The following TENM3 variants were observed in gnomAD, a reference collection of about 807,000 sequenced individuals.
TENM3 encodes teneurin-3.
Under a neutral mutation model 255.1 loss-of-function variants are expected in TENM3, and 63 were observed. The ratio of observed to expected loss-of-function variants is 0.25; its 90% CI spans 0.20 to 0.30. The LOEUF (loss-of-function observed/expected upper bound fraction) is 0.30. TENM3 is among the 10% of genes least tolerant of loss of function. TENM3 has a pLI of 1.00. For synonymous variants in TENM3, 1,306 were observed against 1,322.3 expected (o/e 0.99, Z 0.27); for missense variants, 2,929 against 3,461.1 (o/e 0.85, Z 3.86).
chr4:182,436,323 C>A (rs187976174), intron 3 of TENM3, among the ~76,000 whole-genome samples: 7 of 152,248 alleles, frequency 4.6e-5, no homozygotes, highest in Admixed American at 3.3e-4. Flanking sequence ...ATGGAAGGGG[C>A]AGGATTCACA....
chr4:182,094,468 G>A, the TENM3 span, among the ~76,000 whole-genome samples: 45,624 of 151,988 alleles, frequency 0.3, 7,128 homozygotes, highest in Middle Eastern at 0.42. Flanking sequence ...GGCTGGTCTC[G>A]AACTCCTGAC....
the TENM3 span, among the ~76,000 whole-genome samples, chr4:182,043,885 T>C: frequency 6.6e-6 from 1 of 152,184 alleles, no homozygotes; most frequent in Non-Finnish European, 1.5e-5. Context: ...AAAGCCACTA[T>C]AATAAAAACA....
intron 22 of TENM3, among the ~76,000 whole-genome samples, chr4:182,761,693 T>C (rs937224721): frequency 1.7e-4 from 26 of 152,260 alleles, no homozygotes; most frequent in African/African-American, 6.0e-4. Context: ...TCTTTCTTCA[T>C]GAAAGAAAAC....
At chr4:182,000,663 G>T in the TENM3 span, among the ~76,000 whole-genome samples, 1 of 151,950 alleles carries the variant, frequency 6.6e-6, no homozygotes. Flanking sequence ...ACAAATATAG[G>T]CATTAAAATA....
At chr4:181,778,881 G>A in the TENM3 span, among the ~76,000 whole-genome samples, 1 of 152,102 alleles carries the variant, frequency 6.6e-6, no homozygotes, top group Non-Finnish European at 1.5e-5. Flanking sequence ...TTCAAATAGA[G>A]ATGAGGAACT....
chr4:182,475,930 T>C (rs758850675), intron 3 of TENM3, among the ~76,000 whole-genome samples: 7 of 152,246 alleles, frequency 4.6e-5, no homozygotes, highest in Non-Finnish European at 7.3e-5. Flanking sequence ...AAATTTGATC[T>C]CTGTGTTCCA....
At chr4:181,756,007 A>G in the TENM3 span, among the ~76,000 whole-genome samples, 1 of 152,164 alleles carries the variant, frequency 6.6e-6, no homozygotes, top group Non-Finnish European at 1.5e-5. Flanking sequence ...ATATGTGACG[A>G]TGACGTGCCA....
At chr4:182,223,715 G>A (rs78293108) in intron 1 of TENM3, among the ~76,000 whole-genome samples, 9,539 of 147,230 alleles carry the variant, frequency 0.065, 411 homozygotes, top group Non-Finnish European at 0.093. Flanking sequence ...AATATTGAGT[G>A]TGTGTGTTTG....
chr4:182,153,683 T>C (rs1049663821), intron 1 of TENM3, among the ~76,000 whole-genome samples: 13 of 152,134 alleles, frequency 8.5e-5, no homozygotes, highest in African/African-American at 3.1e-4. Flanking sequence ...ATGCCATCAG[T>C]TAATTCTTCT....
chr4:182,716,794 T>A (rs113940600), intron 13 of TENM3, among the ~76,000 whole-genome samples: 1 of 152,196 alleles, frequency 6.6e-6, no homozygotes, highest in Non-Finnish European at 1.5e-5. Context: ...TAGACTGAAA[T>A]TCTAGGATAT....
chr4:182,016,006 G>A, the TENM3 span, among the ~76,000 whole-genome samples: 330 of 152,156 alleles, frequency 2.2e-3, 1 homozygote, highest in African/African-American at 7.1e-3. Flanking sequence ...TCATAAATCC[G>A]TCTTGACTGA....
At chr4:182,355,910 A>ATT (rs933730481) in intron 3 of TENM3, among the ~76,000 whole-genome samples, 22 of 148,342 alleles carry the variant, frequency 1.5e-4, no homozygotes, top group Non-Finnish European at 3.0e-4. Context: ...TTATATATAT[A>ATT]TTATATATAT....
the TENM3 span, among the ~76,000 whole-genome samples, chr4:181,584,785 C>T: frequency 6.6e-6 from 1 of 152,068 alleles, no homozygotes; most frequent in Non-Finnish European, 1.5e-5. Context: ...TCATTAGTAA[C>T]AATAGCAACA....
At chr4:181,775,982 T>C in the TENM3 span, among the ~76,000 whole-genome samples, 1 of 152,172 alleles carries the variant, frequency 6.6e-6, no homozygotes, top group Non-Finnish European at 1.5e-5. Flanking sequence ...TTGTTAACTA[T>C]AGTTACTTAC....
the TENM3 span, among the ~76,000 whole-genome samples, chr4:181,565,712 T>A: frequency 6.6e-6 from 1 of 152,234 alleles, no homozygotes; most frequent in Non-Finnish European, 1.5e-5. Context: ...TTTGTGATTT[T>A]ATTTCTATGT....
chr4:182,148,735 G>T (rs1251792410), intron 1 of TENM3, among the ~76,000 whole-genome samples: 1 of 152,052 alleles, frequency 6.6e-6, no homozygotes, highest in East Asian at 1.9e-4. Context: ...ATGGAAATGT[G>T]AAGAGATGGT....
chr4:182,053,019 A>G, the TENM3 span, among the ~76,000 whole-genome samples: 4 of 152,132 alleles, frequency 2.6e-5, no homozygotes, highest in Admixed American at 2.0e-4. Context: ...GGATCTCACT[A>G]TGTTCCCCAG....
intron 4 of TENM3, among the ~76,000 whole-genome samples, chr4:182,604,245 C>T (rs933880770): frequency 3.9e-5 from 6 of 152,172 alleles, no homozygotes; most frequent in African/African-American, 1.4e-4. Context: ...TCTATAATCT[C>T]CAGTGACTTT....
At chr4:182,534,079 A>G (rs1740040343) in intron 3 of TENM3, among the ~76,000 whole-genome samples, 1 of 152,198 alleles carries the variant, frequency 6.6e-6, no homozygotes, top group African/African-American at 2.4e-5. Context: ...TTAGAGAGCT[A>G]TGTGCTATGT....
Sources: allele counts gnomAD v4.1 joint callset (sites outside exome capture counted in the v4.1 genomes callset), GRCh38; gene constraint gnomAD v4.1.1; transcripts MANE v1.5; gene names NCBI Gene and HGNC (gene_info 2026-07-23, HGNC 2026-07-21).